The following GOLGA3 variants were observed in gnomAD, a reference collection of about 807,000 sequenced individuals.
GOLGA3 encodes the protein golgin subfamily A member 3.
GOLGA3 carries 75 observed loss-of-function variants against 169.4 expected under a neutral mutation model. The ratio of observed to expected loss-of-function variants is 0.44; its 90% CI spans 0.37 to 0.54. The LOEUF is 0.54. GOLGA3 is among the 20% of genes least tolerant of loss of function. The pLI, the probability that GOLGA3 is intolerant of heterozygous loss-of-function variation, is 0.00. For missense variants in GOLGA3, 1,899 were observed against 1,930.0 expected (o/e 0.98, Z 0.30); for synonymous variants, 824 against 822.4 (o/e 1.00, Z -0.03).
intron 9 of GOLGA3, 70 bp from the exon 10 acceptor site, chr12:132,796,770 G>GCTCTGCAGTGGGTTT: frequency 6.8e-7 from 1 of 1,470,212 alleles, no homozygotes; most frequent in Non-Finnish European, 9.3e-7. Flanking sequence ...GTGGCCCCGT[G>GCTCTGCAGTGGGTTT]CTCTGCAGAG....
chr12:132,825,829 C>A, intron 1 of GOLGA3: 5 of 1,072,610 alleles, frequency 4.7e-6, no homozygotes, highest in Non-Finnish European at 5.8e-6. Flanking sequence ...TTGGTCTGGG[C>A]TTCAAGACAC....
At position 132,822,196 on chromosome 12, in the gene GOLGA3, T is replaced by G; in HGVS notation, c.-68A>C. On this transcript the variant is annotated 5_prime_UTR_variant, in exon 2 of 24. Coordinates refer to ENST00000450791, the MANE Select transcript of GOLGA3 (RefSeq NM_001389683.1). ...GTGAACCTTGGACAAGCTTGGCTTC[T>G]GCCATCAGCAACAGCCAAGAGCTCC... is the stretch of plus-strand genomic sequence containing the variant. 2 of 1,534,200 alleles carry G rather than the reference T, an allele frequency of 1.3e-6. No homozygotes were observed. The highest frequency in any genetic ancestry group is 1.7e-6 in the Non-Finnish European group (2 of 1,152,138).
intron 1 of GOLGA3, among the ~76,000 whole-genome samples, chr12:132,824,946 C>G (rs1001218260): frequency 6.6e-6 from 1 of 152,158 alleles, no homozygotes; most frequent in African/African-American, 2.4e-5. Context: ...ACCCACAAAA[C>G]AAGGGGAGGA....
intron 8 of GOLGA3, among the ~76,000 whole-genome samples, chr12:132,800,994 C>T (rs574308049): frequency 1.3e-5 from 2 of 152,300 alleles, no homozygotes; most frequent in Admixed American, 6.5e-5. Context: ...TGAGGCTGAC[C>T]AAAGGTACTC....
Position 132,770,110 on chromosome 12 carries a change from G to GT in GOLGA3, c.*2994dup, listed in dbSNP as rs1428498801. ...TAGGCTGGTGTGGTGGCGGGCACCT[G>GT]TAATCCCAGCTACTGGGGAGAATGA... On this transcript the variant is annotated 3_prime_UTR_variant, in exon 24 of 24. Coordinates refer to ENST00000450791, the MANE Select transcript of GOLGA3 (RefSeq NM_001389683.1). 1.3e-5 allele frequency: 2 copies of GT among 152,000 alleles called. No individual in the cohort carries two copies. The highest frequency in any genetic ancestry group is 2.9e-5 in the Non-Finnish European group (2 of 68,040). 9.4% of individuals were successfully genotyped at this position (152,000 alleles called of 1,614,324 possible).
rs2045159847 is a variant in GOLGA3, at chr12:132,775,239, G to A, written c.4045C>T (p.Leu1349Phe). ...TTCAGCTCCGACACTTTTGCCTGGA[G>A]CATAAATTTATCCTTCTGGGTCATG... is the stretch of plus-strand genomic sequence containing the variant. Reference protein sequence around the residue: ...LSMTQKDKFMLQAKVSELKNN... With the variant: ...LSMTQKDKFMFQAKVSELKNN... Residue 1349 changes from leucine to phenylalanine, a missense_variant, in exon 22 of 24, where the codon CTC (leucine) becomes TTC (phenylalanine). Coordinates refer to ENST00000450791, the MANE Select transcript of GOLGA3 (RefSeq NM_001389683.1). 2.5e-6 allele frequency: 4 copies of A among 1,613,970 alleles called. No homozygotes were observed. Among genetic ancestry groups the A allele is most frequent in the African/African-American group, 1.3e-5 (1 of 75,068 alleles).
At chr12:132,787,370 A>C (rs1162800712) in intron 13 of GOLGA3, among the ~76,000 whole-genome samples, 9 of 150,586 alleles carry the variant, frequency 6.0e-5, no homozygotes, top group Admixed American at 4.0e-4. Flanking sequence ...TCTCCTCCAA[A>C]CCCTCAGGAC....
rs77072685 is a variant in GOLGA3 at position 132,769,015 on chromosome 12, A to G, written c.*4090T>C. ...GCTTTTTAAAGTTACACTTTGTCAG[A>G]CACGGTGACCCCTTTCCCAAGAACA... is the stretch of plus-strand genomic sequence containing the variant. On this transcript the variant is annotated 3_prime_UTR_variant, in exon 24 of 24. Transcript: ENST00000450791. The G allele has an allele frequency of 9.6e-3, 1,472 of 152,824 alleles. 9 individuals carry two copies. The highest frequency in any genetic ancestry group is 0.016 in the Non-Finnish European group (1,092 of 68,048). 9.5% of individuals were successfully genotyped at this position (152,824 alleles called of 1,614,324 possible).
At chr12:132,785,103 A>C (rs1391120851) in intron 15 of GOLGA3, among the ~76,000 whole-genome samples, 1 of 152,232 alleles carries the variant, frequency 6.6e-6, no homozygotes, top group African/African-American at 2.4e-5. Context: ...GCCAAAAGTC[A>C]CCACTTGCGA....
At chr12:132,787,463 C>T (rs2045956680) in intron 13 of GOLGA3, among the ~76,000 whole-genome samples, 1 of 149,858 alleles carries the variant, frequency 6.7e-6, no homozygotes, top group South Asian at 2.1e-4. Flanking sequence ...CCTAGGAAAC[C>T]CCAGGACCCC....
At chr12:132,816,899 G>A in intron 2 of GOLGA3, 87 bp from the exon 3 acceptor site, 2 of 1,206,566 alleles carry the variant, frequency 1.7e-6, no homozygotes, top group East Asian at 2.5e-5. Flanking sequence ...TAGGAGAGAA[G>A]AGGATCCAGA....
chr12:132,814,186 G>A (rs1300473394), intron 3 of GOLGA3, among the ~76,000 whole-genome samples: 4 of 151,672 alleles, frequency 2.6e-5, no homozygotes, highest in African/African-American at 9.7e-5. Flanking sequence ...CACGACCCCT[G>A]ACGACTTTGG....
intron 18 of GOLGA3, among the ~76,000 whole-genome samples, chr12:132,779,228 T>A (rs984857664): frequency 2.6e-5 from 4 of 152,022 alleles, no homozygotes; most frequent in African/African-American, 7.2e-5. Flanking sequence ...TACAGGCATG[T>A]GCCACCACGC....
chr12:132,787,444 C>G (rs1011037150), intron 13 of GOLGA3, among the ~76,000 whole-genome samples: 1 of 150,354 alleles, frequency 6.7e-6, no homozygotes, highest in African/African-American at 2.5e-5. Context: ...CTCAAGGATC[C>G]AGACCCCTCC....
Position 132,777,530 on chromosome 12 carries a change from T to C in GOLGA3, c.3722+136A>G. On this transcript the variant is annotated intron_variant, in intron 19 of 23. Coordinates refer to ENST00000450791, the MANE Select transcript of GOLGA3 (RefSeq NM_001389683.1). This position sits in a 1 kb window ranked among gnomAD's most constrained non-coding sequence, Gnocchi z 4.7. The stretch of plus-strand genomic sequence containing the variant: ...TTCTGGAGACGGAGGCTGGGTGCCT[T>C]CTACTCCTATGATTCACTCAAGTAC... 2.2e-6 allele frequency: 2 copies of C among 927,176 alleles called. No individual in the cohort carries two copies. Among genetic ancestry groups the C allele is most frequent in the African/African-American group, 1.6e-5 (1 of 60,844 alleles). The allele number at this position is 927,176 out of a possible 1,614,324, so 57.4% of individuals were successfully genotyped here. A position where few individuals can be genotyped will look rare whatever the true frequency, so the allele number is the denominator to read the frequency against.
At position 132,807,990 on chromosome 12, in the gene GOLGA3, G is replaced by C. The variant is rs1566122974; in HGVS notation, c.1079C>G (p.Ser360Cys). 1 of 1,613,324 alleles carries C rather than the reference G, an allele frequency of 6.2e-7. No homozygotes were observed. The highest frequency in any genetic ancestry group is 8.5e-7 in the Non-Finnish European group (1 of 1,179,624). Residue 360 changes from serine (S) to cysteine (C), a missense_variant, in exon 5 of 24, where the codon TCC becomes TGC. Coordinates refer to ENST00000450791, the MANE Select transcript of GOLGA3 (RefSeq NM_001389683.1). ...TGCGGCCTGGAGGACGTCCTTAATG[G>C]AGGGGAACTGGCCCAGGGTATCCGC... is the stretch of plus-strand genomic sequence containing the variant. ...IPADTLGQFPSIKDVLQAAAA... is the reference protein window; with the variant it reads ...IPADTLGQFPCIKDVLQAAAA...
In GOLGA3 at chr12:132,810,151, G is replaced by C. The variant is rs1017599542; in HGVS notation, c.520-1602C>G. Among the ~76,000 whole-genome samples the C allele has an allele frequency of 1.2e-4, 19 of 152,282 alleles. 1 individual carries two copies. In the Middle Eastern group the frequency reaches 0.01, roughly 82 times the overall value. On this transcript the variant is annotated intron_variant, in intron 4 of 23. Coordinates refer to ENST00000450791, the MANE Select transcript of GOLGA3 (RefSeq NM_001389683.1). ...TAATCTCAGCTACTTGGGAGGATGA[G>C]GCAGGAGAATCACTTGAACCCAGGA...
chr12:132,828,185 G>C (rs781026202), intron 1 of GOLGA3: 8 of 152,138 alleles, frequency 5.3e-5, no homozygotes, highest in Non-Finnish European at 1.2e-4. Flanking sequence ...ACTTAGAGTA[G>C]CGGACCCCAC....
chr12:132,812,975 G>C (rs1253279852), intron 4 of GOLGA3, among the ~76,000 whole-genome samples: 1 of 152,166 alleles, frequency 6.6e-6, no homozygotes, highest in African/African-American at 2.4e-5. Flanking sequence ...GTTTTATTTA[G>C]ACACAGTGCT....
Sources: allele counts gnomAD v4.1 joint callset (sites outside exome capture counted in the v4.1 genomes callset), GRCh38; gene constraint gnomAD v4.1.1; non-coding constraint Gnocchi (gnomAD v3.1); transcripts MANE v1.5; gene names NCBI Gene and HGNC (gene_info 2026-07-23, HGNC 2026-07-21).